RAD50: variants seen among roughly 807,000 people sequenced by gnomAD.
RAD50 encodes the protein RAD50 double strand break repair protein, also known as DNA repair protein RAD50.
Under a neutral mutation model 168.8 loss-of-function variants are expected in RAD50, and 132 were observed. The observed-to-expected ratio is 0.78, with a 90% CI of 0.68 to 0.90. The LOEUF is 0.90. Ranked by LOEUF, RAD50 falls within the 40% of genes least tolerant of loss-of-function variation. RAD50 has a pLI of 0.00. For synonymous variants in RAD50, 525 were observed against 497.4 expected (o/e 1.06, Z -0.74); for missense variants, 1,347 against 1,534.4 (o/e 0.88, Z 2.04).
intron 2 of RAD50, among the ~76,000 whole-genome samples, chr5:132,561,381 C>T (rs181015543): frequency 1.6e-3 from 237 of 152,094 alleles, no homozygotes; most frequent in African/African-American, 5.3e-3. Flanking sequence ...TTAGCAGAGA[C>T]GGGGTTTCAT....
intron 19 of RAD50, 136 bp downstream of exon 19, chr5:132,609,532 T>C: frequency 7.1e-7 from 1 of 1,405,452 alleles, no homozygotes; most frequent in Non-Finnish European, 9.5e-7. Flanking sequence ...CTGTAATCCC[T>C]GCACTTTGGA....
chr5:132,638,208 C>G lies in RAD50; in HGVS notation c.3603C>G (p.Cys1201Trp). The change falls in exon 23 of 25, where the codon TGC becomes TGG. Residue 1201 changes from cysteine to tryptophan, a missense_variant. Cys to Trp is a radical substitution (Grantham distance 215). This residue lies in a region of RAD50 where 635 missense variants were observed against 739.2 expected (regional missense o/e 0.86). Coordinates refer to ENST00000378823, the MANE Select transcript of RAD50 (RefSeq NM_005732.4). ...GDTALDMRGR[C>W]SAGQKVLASL... ...CAGCCTTGGATATGCGAGGACGATG[C>G]AGTGCTGGACAAAAGGCAGGTATCT... 1 of 1,614,126 alleles carries G rather than the reference C, an allele frequency of 6.2e-7. No homozygotes were observed. Among genetic ancestry groups the G allele is most frequent in the Non-Finnish European group, 8.5e-7 (1 of 1,180,020 alleles).
intron 9 of RAD50, among the ~76,000 whole-genome samples, chr5:132,590,539 T>C (rs1750680422): frequency 6.6e-6 from 1 of 152,252 alleles, no homozygotes; most frequent in South Asian, 2.1e-4. Context: ...TCACACACGT[T>C]GTAATTCTAG....
At chr5:132,578,630 G>T (rs1287001591) in intron 3 of RAD50, among the ~76,000 whole-genome samples, 2 of 142,632 alleles carry the variant, frequency 1.4e-5, no homozygotes, top group African/African-American at 5.3e-5. Context: ...GAGTTCAAGT[G>T]ATTCTCTTGC....
chr5:132,612,528 T>G (rs1381093190), intron 19 of RAD50, among the ~76,000 whole-genome samples: 1 of 152,176 alleles, frequency 6.6e-6, no homozygotes, highest in Non-Finnish European at 1.5e-5. Context: ...AAAAAATGAC[T>G]TAGGTTATTA....
intron 16 of RAD50, among the ~76,000 whole-genome samples, chr5:132,606,748 G>T (rs1479348827): frequency 2.0e-5 from 3 of 152,094 alleles, no homozygotes; most frequent in African/African-American, 7.2e-5. Flanking sequence ...GAATCCAGCA[G>T]CACGTCAAAA....
In RAD50 at chr5:132,637,159, A is replaced by C; in HGVS notation, c.3434A>C (p.Lys1145Thr). 6.2e-7 allele frequency: 1 copy of C among 1,612,244 alleles called. No individual in the cohort carries two copies. Among genetic ancestry groups the C allele is most frequent in the Non-Finnish European group, 8.5e-7 (1 of 1,178,926 alleles). Residue 1145 changes from lysine to threonine, a missense_variant, in exon 22 of 25, where the codon AAA (lysine) becomes ACA (threonine). Lys to Thr is a moderately conservative substitution (Grantham distance 78, BLOSUM62 -1). Coordinates refer to ENST00000378823, the MANE Select transcript of RAD50 (RefSeq NM_005732.4). The part of the protein sequence containing the change: ...FHSMKMEEIN[K>T]IIRDLWRSTY... ...AGTATGAAAATGGAAGAAATCAATA[A>C]AATTATACGTGACCTGTGGCGAAGT...
intron 2 of RAD50, among the ~76,000 whole-genome samples, chr5:132,575,509 C>T (rs1356772134): frequency 3.3e-5 from 5 of 152,266 alleles, no homozygotes; most frequent in African/African-American, 1.2e-4. Context: ...ATTTTTGATG[C>T]TTACAGAGAT....
At chr5:132,617,913 C>T (rs563013041) in intron 20 of RAD50, among the ~76,000 whole-genome samples, 157 bp from the exon 21 acceptor site, 139 of 152,186 alleles carry the variant, frequency 9.1e-4, no homozygotes, top group African/African-American at 3.2e-3. Flanking sequence ...TCTTTAGTAC[C>T]AAAGCCCTAA....
At chr5:132,632,584 CTTTA>C (rs1327019017) in intron 21 of RAD50, among the ~76,000 whole-genome samples, 9 of 152,194 alleles carry the variant, frequency 5.9e-5, no homozygotes, top group African/African-American at 1.4e-4. Context: ...ATGATATCTA[CTTTA>C]TTTAACCACT....
At chr5:132,589,035 A>G (rs1161443693) in intron 8 of RAD50, among the ~76,000 whole-genome samples, 155 bp downstream of exon 8, 2 of 152,234 alleles carry the variant, frequency 1.3e-5, no homozygotes, top group African/African-American at 4.8e-5. Context: ...ATTGAAGCAA[A>G]TGTTCTTAAG....
At chr5:132,621,575 T>G (rs1427933916) in intron 21 of RAD50, among the ~76,000 whole-genome samples, 1 of 152,228 alleles carries the variant, frequency 6.6e-6, no homozygotes, top group Non-Finnish European at 1.5e-5. Flanking sequence ...AGTGAATGAC[T>G]GTTAGTGGTA....
intron 2 of RAD50, among the ~76,000 whole-genome samples, chr5:132,568,420 T>G (rs918919357): frequency 4.0e-5 from 6 of 151,738 alleles, no homozygotes; most frequent in African/African-American, 1.5e-4. Context: ...GCTCAAGGAC[T>G]TAAAGGAAAA....
At chr5:132,584,967 G>A (rs1750569521) in intron 5 of RAD50, among the ~76,000 whole-genome samples, 1 of 147,866 alleles carries the variant, frequency 6.8e-6, no homozygotes, top group African/African-American at 2.5e-5. Flanking sequence ...GGGGAGGGAG[G>A]AGGGATAGCA....
intron 2 of RAD50, among the ~76,000 whole-genome samples, chr5:132,575,134 TA>T (rs1268778634): frequency 6.6e-6 from 1 of 152,204 alleles, no homozygotes; most frequent in Admixed American, 6.5e-5. Context: ...ACACTGCTAA[TA>T]AAGATATACC....
At chr5:132,561,233 C>T (rs1159560934) in intron 2 of RAD50, among the ~76,000 whole-genome samples, 1 of 152,002 alleles carries the variant, frequency 6.6e-6, no homozygotes, top group African/African-American at 2.4e-5. Flanking sequence ...TGCACTGTTG[C>T]CCAGGCTGGA....
Position 132,603,999 on chromosome 5 carries a change from A to C in RAD50, c.2477A>C (p.Gln826Pro). 1 of 1,613,836 alleles carries C rather than the reference A, an allele frequency of 6.2e-7. No homozygotes were observed. The highest frequency in any genetic ancestry group is 1.3e-5 in the African/African-American group (1 of 75,044). ...GGAATAGACTTAGATCGAACTGTCC[A>C]ACAAGTCAACCAGGAGAAACAAGAG... is the stretch of plus-strand genomic sequence containing the variant. ...LQGIDLDRTVQQVNQEKQEKQ... is the reference protein window; with the variant it reads ...LQGIDLDRTVPQVNQEKQEKQ... The change falls in exon 15 of 25, where the codon CAA (glutamine) becomes CCA (proline). Residue 826 changes from glutamine (Q) to proline (P), a missense_variant. This residue lies in a region of RAD50 where 635 missense variants were observed against 739.2 expected (regional missense o/e 0.86). Transcript: ENST00000378823.
chr5:132,604,490 C>T (rs1750946145), intron 15 of RAD50, among the ~76,000 whole-genome samples: 1 of 152,144 alleles, frequency 6.6e-6, no homozygotes, highest in Non-Finnish European at 1.5e-5. Flanking sequence ...TGATCTCGAA[C>T]TCCTGACCTC....
intron 2 of RAD50, among the ~76,000 whole-genome samples, chr5:132,559,984 G>A (rs561582915): frequency 2.6e-5 from 4 of 151,884 alleles, no homozygotes; most frequent in South Asian, 2.1e-4. Context: ...TATACTATTC[G>A]TATGTGTAAA....
Sources: gnomAD v4.1 joint callset for allele counts (sites outside exome capture counted in the v4.1 genomes callset) on GRCh38, gnomAD v4.1.1 for gene constraint, gnomAD v4.1.1 regional missense constraint, MANE v1.5 for transcripts, NCBI Gene and HGNC (gene_info 2026-07-23, HGNC 2026-07-21) for gene names.